LRRC28: variants seen among roughly 807,000 people sequenced by gnomAD.
LRRC28 encodes leucine rich repeat containing 28, also known as leucine-rich repeat-containing protein 28.
In LRRC28, 39 loss-of-function variants were observed where a neutral mutation model predicts 45.7. The observed-to-expected ratio is 0.85, with a 90% CI of 0.66 to 1.12. LRRC28 has a LOEUF of 1.12. Among genes scored for constraint, LRRC28 ranks in the 50% most tolerant of loss-of-function variants. The pLI is 0.00. For missense variants in LRRC28, 435 were observed against 438.5 expected (o/e 0.99, Z 0.07); for synonymous variants, 206 against 178.8 (o/e 1.15, Z -1.22).
chr15:99,372,536 TTATTAA>T (rs1241337246), intron 9 of LRRC28, among the ~76,000 whole-genome samples: 134 of 152,256 alleles, frequency 8.8e-4, no homozygotes, highest in African/African-American at 3.1e-3. Context: ...ATAACTCAGA[TTATTAA>T]TACAACAAGC....
At chr15:99,302,617 G>T (rs1334597726) in intron 5 of LRRC28, among the ~76,000 whole-genome samples, 2 of 152,166 alleles carry the variant, frequency 1.3e-5, no homozygotes, top group African/African-American at 4.8e-5. Context: ...TACATGTACA[G>T]TTAATTAACT....
chr15:99,330,772 A>G (rs1164642783), intron 5 of LRRC28, among the ~76,000 whole-genome samples: 1 of 152,070 alleles, frequency 6.6e-6, no homozygotes, highest in African/African-American at 2.4e-5. Context: ...TGTAGTCTAC[A>G]TATCTTGTAT....
intron 5 of LRRC28, among the ~76,000 whole-genome samples, chr15:99,302,233 TAGCC>T (rs1272949764): frequency 1.3e-5 from 2 of 152,090 alleles, no homozygotes; most frequent in Non-Finnish European, 2.9e-5. Context: ...TTCATCGTGT[TAGCC>T]AGGATGGTCT....
intron 5 of LRRC28, among the ~76,000 whole-genome samples, chr15:99,317,911 G>A (rs995873218): frequency 3.9e-5 from 6 of 152,062 alleles, no homozygotes; most frequent in Non-Finnish European, 2.9e-5. Context: ...GCATTTAAAA[G>A]CTTTGTTGAT....
At position 99,314,951 on chromosome 15, in the gene LRRC28, C is replaced by G. The variant is rs1180309580; in HGVS notation, c.386-18972C>G. 7.2e-5 allele frequency among the ~76,000 whole-genome samples: 11 copies of G among 152,140 alleles called. 1 individual carries two copies. The highest frequency in any genetic ancestry group is 4.4e-5 in the Non-Finnish European group (3 of 68,002). ...AATGTAAATCTTTGGTTGTAGCTTT[C>G]TCTGAAAGCAATAAGATGTATATAC... On this transcript the variant is annotated intron_variant, in intron 5 of 9. Transcript: ENST00000301981.
At position 99,381,602 on chromosome 15, in the gene LRRC28, G is replaced by A. The variant is rs142269637; in HGVS notation, c.1032-4428G>A. 1.8e-3 allele frequency among the ~76,000 whole-genome samples: 277 copies of A among 152,234 alleles called. 2 individuals carry two copies. In the East Asian group the frequency reaches 0.041, roughly 22 times the overall value. On this transcript the variant is annotated intron_variant, in intron 9 of 9. Transcript: ENST00000301981. ...AGCTGTGTTCCTTTGGAGGGGGAGA[G>A]GTGCTCTGATTTTTAGAGTTTTCAG...
chr15:99,335,080 A>G (rs1236730613), intron 6 of LRRC28, among the ~76,000 whole-genome samples: 2 of 152,238 alleles, frequency 1.3e-5, no homozygotes, highest in Non-Finnish European at 2.9e-5. Context: ...AATTAACAAA[A>G]TGAAATGAGG....
intron 5 of LRRC28, 76 bp from the exon 6 acceptor site, chr15:99,333,847 T>G: frequency 1.4e-6 from 2 of 1,433,624 alleles, no homozygotes; most frequent in Non-Finnish European, 1.9e-6. Context: ...TTGGTTAAAC[T>G]GTTATAATAT....
At position 99,287,864 on chromosome 15, in the gene LRRC28, T is replaced by G; in HGVS notation, c.298T>G (p.Leu100Val). The G allele has an allele frequency of 1.9e-6, 3 of 1,613,798 alleles. No individual in the cohort carries two copies. The highest frequency in any genetic ancestry group is 2.5e-6 in the Non-Finnish European group (3 of 1,179,834). The change falls in exon 5 of 10, where the codon TTA becomes GTA. Residue 100 changes from leucine to valine, a missense_variant. Coordinates refer to ENST00000301981, the MANE Select transcript of LRRC28 (RefSeq NM_144598.5). ...ATGTCTGGATCTTAGTGACAATGCC[T>G]TAGAAATTGTTTGCCCAGAAATTGG... Reference protein sequence around the residue: ...LQCLDLSDNALEIVCPEIGRL... With the variant: ...LQCLDLSDNAVEIVCPEIGRL...
intron 7 of LRRC28, 132 bp from the exon 8 acceptor site, chr15:99,361,204 A>G: frequency 5.3e-6 from 6 of 1,126,878 alleles, no homozygotes; most frequent in Non-Finnish European, 7.4e-6. Flanking sequence ...GCATCTGTTC[A>G]CTTTGAAAAG....
intron 5 of LRRC28, among the ~76,000 whole-genome samples, chr15:99,299,833 A>C (rs1312135133): frequency 6.6e-6 from 1 of 152,148 alleles, no homozygotes; most frequent in African/African-American, 2.4e-5. Flanking sequence ...TTTGGTTTTC[A>C]CTGTGTATTT....
At chr15:99,294,856 G>T (rs970313205) in intron 5 of LRRC28, among the ~76,000 whole-genome samples, 2 of 152,132 alleles carry the variant, frequency 1.3e-5, no homozygotes, top group African/African-American at 4.8e-5. Flanking sequence ...GCCCTGTCCT[G>T]CATCTTTCAG....
At chr15:99,368,657 T>C (rs1957402802) in intron 9 of LRRC28, among the ~76,000 whole-genome samples, 1 of 152,238 alleles carries the variant, frequency 6.6e-6, no homozygotes, top group African/African-American at 2.4e-5. Context: ...TCTGACAGCA[T>C]TTCTTCATCT....
At chr15:99,338,940 T>A (rs558527858) in intron 6 of LRRC28, among the ~76,000 whole-genome samples, 25 of 152,258 alleles carry the variant, frequency 1.6e-4, no homozygotes, top group African/African-American at 4.3e-4. Flanking sequence ...CACAACTGAG[T>A]GACAGAAGAT....
At chr15:99,292,900 C>G (rs1334074224) in intron 5 of LRRC28, among the ~76,000 whole-genome samples, 2 of 152,120 alleles carry the variant, frequency 1.3e-5, no homozygotes, top group Admixed American at 1.3e-4. Flanking sequence ...GGTTTTTATT[C>G]AGCTTGTTTT....
rs191017994 is a variant in LRRC28 at position 99,387,603 on chromosome 15, C to G, written c.*1501C>G. The G allele has an allele frequency of 6.6e-6, 1 of 152,282 alleles. No individual in the cohort carries two copies. Among genetic ancestry groups the G allele is most frequent in the Admixed American group, 6.5e-5 (1 of 15,308 alleles). 9.4% of individuals were successfully genotyped at this position (152,282 alleles called of 1,614,324 possible). On this transcript the variant is annotated 3_prime_UTR_variant, in exon 10 of 10. Transcript: ENST00000301981. ...GAAAGAACTCTTCATGAAGAAGTCACGTATTTGCTCTTCCTTTCAAAGGAT... is the reference window on the plus strand; with the variant it reads ...GAAAGAACTCTTCATGAAGAAGTCAGGTATTTGCTCTTCCTTTCAAAGGAT...
intron 1 of LRRC28, among the ~76,000 whole-genome samples, chr15:99,253,496 T>C (rs974817312): frequency 2.0e-5 from 3 of 152,146 alleles, no homozygotes; most frequent in Non-Finnish European, 4.4e-5. Flanking sequence ...GACCAGCAAG[T>C]GCTGTTAGGG....
In LRRC28 at chr15:99,387,067, T is replaced by TG. The variant is rs879136115; in HGVS notation, c.*965_*966insG. ...CAGCTACTTCCACTACTGGTTTTTT[T>TG]TTGTTGTTGTTGAGACGGAGTCTCG... On this transcript the variant is annotated 3_prime_UTR_variant, in exon 10 of 10. Transcript: ENST00000301981. 4.9e-3 allele frequency: 743 copies of TG among 150,384 alleles called. 2 individuals are homozygous for TG. Among genetic ancestry groups the TG allele is most frequent in the Non-Finnish European group, 8.2e-3 (555 of 67,772 alleles). 9.3% of individuals were successfully genotyped at this position (150,384 alleles called of 1,614,324 possible). A position where few individuals can be genotyped will look rare whatever the true frequency, so the allele number is the denominator to read the frequency against.
chr15:99,297,817 T>C (rs1203303170), intron 5 of LRRC28, among the ~76,000 whole-genome samples: 2 of 152,106 alleles, frequency 1.3e-5, no homozygotes, highest in Admixed American at 1.3e-4. Flanking sequence ...AAGCTAAGAC[T>C]TTTCAATTTT....
Sources: allele counts gnomAD v4.1 joint callset (sites outside exome capture counted in the v4.1 genomes callset), GRCh38; gene constraint gnomAD v4.1.1; transcripts MANE v1.5; gene names NCBI Gene and HGNC (gene_info 2026-07-23, HGNC 2026-07-21).